The following AP4E1 variants were observed in gnomAD, a reference collection of about 807,000 sequenced individuals.
The protein encoded by AP4E1 is AP-4 complex subunit epsilon-1.
In AP4E1, 56 loss-of-function variants were observed where a neutral mutation model predicts 128.2. The ratio of observed to expected loss-of-function variants is 0.44; its 90% CI spans 0.35 to 0.55. AP4E1 has a LOEUF of 0.55. Among genes scored for constraint, AP4E1 ranks in the 20% least tolerant of loss-of-function variants. The probability of loss-of-function intolerance (pLI) is 0.00; values close to 1 mark genes in which losing one functional copy is unlikely to be tolerated. For missense variants in AP4E1, 1,324 were observed against 1,307.7 expected, an observed-to-expected ratio of 1.01 and a Z score of -0.19; for synonymous variants, 484 against 473.1, an observed-to-expected ratio of 1.02 and a Z score of -0.30.
chr15:50,995,531 A>G (rs765845061), intron 17 of AP4E1, among the ~76,000 whole-genome samples: 3 of 151,678 alleles, frequency 2.0e-5, no homozygotes, highest in Non-Finnish European at 4.4e-5. Context: ...GATTACAGGC[A>G]TGTGCCACCA....
At chr15:50,951,107 T>A (rs2140864707) in intron 13 of AP4E1, among the ~76,000 whole-genome samples, 1 of 152,338 alleles carries the variant, frequency 6.6e-6, no homozygotes, top group East Asian at 1.9e-4. Flanking sequence ...TACAAATTCA[T>A]TATCTCATAG....
chr15:50,969,666 T>TC (rs1159962521), intron 15 of AP4E1, among the ~76,000 whole-genome samples: 1 of 151,034 alleles, frequency 6.6e-6, no homozygotes. Context: ...CTTTCTTTTT[T>TC]TTTTTTTTTT....
At position 50,997,817 on chromosome 15, in the gene AP4E1, C is replaced by T. The variant is rs2064900182; in HGVS notation, c.2838C>T (p.Val946=). ...KDDCLLMVWS[V]TNKSGLELKS... Reference sequence around the variant, plus strand: ...ATTGTTTATTGATGGTCTGGTCAGTCACTAATAAGAGTGGTTTGGAATTGA... The same window carrying T: ...ATTGTTTATTGATGGTCTGGTCAGTTACTAATAAGAGTGGTTTGGAATTGA... The change falls in exon 18 of 21, where the codon GTC becomes GTT. Residue 946 remains valine, a synonymous_variant. Coordinates refer to ENST00000261842, the MANE Select transcript of AP4E1 (RefSeq NM_007347.5). 22 of 1,605,450 alleles carry T rather than the reference C, an allele frequency of 1.4e-5. No individual in the cohort carries two copies. Among genetic ancestry groups the T allele is most frequent in the Non-Finnish European group, 1.8e-5 (21 of 1,174,906 alleles).
chr15:50,934,543 G>A (rs1401029604), intron 7 of AP4E1, 81 bp from the exon 8 acceptor site: 2 of 912,238 alleles, frequency 2.2e-6, no homozygotes. Context: ...TAGATCCTCA[G>A]TTTTAAAGAG....
chr15:50,959,602 C>T (rs766408324), intron 14 of AP4E1, among the ~76,000 whole-genome samples: 11 of 151,982 alleles, frequency 7.2e-5, no homozygotes, highest in Non-Finnish European at 1.2e-4. Context: ...TATCTACCAA[C>T]GTGAAAACAC....
intron 1 of AP4E1, among the ~76,000 whole-genome samples, chr15:50,909,569 T>C (rs1476733239): frequency 6.6e-6 from 1 of 152,274 alleles, no homozygotes; most frequent in African/African-American, 2.4e-5. Context: ...TTATAAAAAT[T>C]CTTAAACTTT....
chr15:50,953,085 G>A (rs1596480398), intron 13 of AP4E1, among the ~76,000 whole-genome samples: 1 of 152,156 alleles, frequency 6.6e-6, no homozygotes, highest in East Asian at 1.9e-4. Flanking sequence ...GTGACCTCCA[G>A]ATCTTTGCAT....
chr15:50,973,011 A>G (rs972791485), intron 15 of AP4E1, among the ~76,000 whole-genome samples: 23 of 152,252 alleles, frequency 1.5e-4, no homozygotes, highest in Non-Finnish European at 4.4e-5. Context: ...GTAACTTTGT[A>G]CTTAAGAAAT....
At chr15:50,978,524 T>C (rs979479840) in intron 15 of AP4E1, among the ~76,000 whole-genome samples, 1 of 152,176 alleles carries the variant, frequency 6.6e-6, no homozygotes, top group African/African-American at 2.4e-5. Flanking sequence ...TTGAGGCCTC[T>C]AAAGTATTAA....
In AP4E1 at chr15:50,997,502, G is replaced by A. The variant is rs1168711947; in HGVS notation, c.2523G>A (p.Lys841=). ...ATACTTTGCACGATACAGGAGACAA[G>A]GAATTAAAGAAATTTTCTCTCACTT... ...YSNTLHDTGD[K]ELKKFSLTSE... Residue 841 remains lysine, a synonymous_variant, in exon 18 of 21, where the codon AAG becomes AAA. Transcript: ENST00000261842. 13 of 1,613,992 alleles carry A rather than the reference G, an allele frequency of 8.1e-6. No individual in the cohort carries two copies. The highest frequency in any genetic ancestry group is 6.7e-5 in the East Asian group (3 of 44,838).
At chr15:50,921,116 A>T (rs995134321) in intron 3 of AP4E1, among the ~76,000 whole-genome samples, 6 of 151,380 alleles carry the variant, frequency 4.0e-5, no homozygotes, top group Non-Finnish European at 7.4e-5. Flanking sequence ...ATGCCTTATT[A>T]TTTTTTTTAT....
Position 50,989,756 on chromosome 15 carries a change from G to A in AP4E1, c.2091-3614G>A, listed in dbSNP as rs142115855. Among the ~76,000 whole-genome samples, 651 of 152,202 alleles carry A rather than the reference G, an allele frequency of 4.3e-3. 2 individuals are homozygous for A. Among genetic ancestry groups the A allele is most frequent in the Non-Finnish European group, 7.2e-3 (490 of 68,018 alleles). On this transcript the variant is annotated intron_variant, in intron 16 of 20. Coordinates refer to ENST00000261842, the MANE Select transcript of AP4E1 (RefSeq NM_007347.5). ...ACTAGGATCTGGGGGGTGTGACAGG[G>A]CCTTGTAAATGCCATACATATACAT... is the stretch of plus-strand genomic sequence containing the variant.
chr15:50,921,132 T>A, intron 3 of AP4E1, among the ~76,000 whole-genome samples: 1 of 151,218 alleles, frequency 6.6e-6, no homozygotes, highest in East Asian at 1.9e-4. Flanking sequence ...TTTATGAGTA[T>A]CATTGAATAA....
intron 14 of AP4E1, among the ~76,000 whole-genome samples, chr15:50,964,326 A>T (rs983997494): frequency 6.6e-6 from 1 of 151,720 alleles, no homozygotes; most frequent in African/African-American, 2.4e-5. Flanking sequence ...TTTGTTTCTT[A>T]TTTATGATGT....
chr15:50,937,845 CG>C (rs2063927540), intron 8 of AP4E1, among the ~76,000 whole-genome samples: 1 of 152,000 alleles, frequency 6.6e-6, no homozygotes, highest in Admixed American at 6.6e-5. Flanking sequence ...AGTGGAAGGG[CG>C]GTATTGTGGA....
intron 20 of AP4E1, 49 bp from the exon 21 acceptor site, chr15:51,002,453 G>A (rs1364942859): frequency 5.6e-6 from 9 of 1,595,276 alleles, no homozygotes; most frequent in East Asian, 2.2e-5. Flanking sequence ...AGAAATGTCT[G>A]TTTAACTCCT....
intron 14 of AP4E1, among the ~76,000 whole-genome samples, chr15:50,959,620 T>A (rs540877507): frequency 1.3e-5 from 2 of 152,048 alleles, no homozygotes; most frequent in African/African-American, 4.8e-5. Flanking sequence ...CACATGAAAG[T>A]ATAAAACTCA....
intron 15 of AP4E1, among the ~76,000 whole-genome samples, chr15:50,982,466 C>T (rs2064657036): frequency 6.6e-6 from 1 of 152,170 alleles, no homozygotes; most frequent in South Asian, 2.1e-4. Flanking sequence ...GAGCCCTACT[C>T]CTATTCCTTC....
chr15:51,001,296 ACTGT>A (rs1234607208), intron 20 of AP4E1, 113 bp downstream of exon 20: 1 of 1,000,454 alleles, frequency 1.0e-6, no homozygotes, highest in Non-Finnish European at 1.5e-6. Flanking sequence ...TCCTATTATG[ACTGT>A]CTTTCAGATG....
Sources: gnomAD v4.1 joint callset for allele counts (sites outside exome capture counted in the v4.1 genomes callset) on GRCh38, gnomAD v4.1.1 for gene constraint, MANE v1.5 for transcripts, NCBI Gene and HGNC (gene_info 2026-07-23, HGNC 2026-07-21) for gene names.